The following IFT74 variants were observed in gnomAD, a reference collection of about 807,000 sequenced individuals.
The protein encoded by IFT74 is intraflagellar transport 74.
IFT74 carries 92 observed loss-of-function variants against 96.7 expected under a neutral mutation model. The observed-to-expected ratio is 0.95, with a 90% CI of 0.80 to 1.13. The LOEUF (loss-of-function observed/expected upper bound fraction) is 1.13, where lower values mean the gene tolerates loss of function less well. IFT74 is among the 50% of genes most tolerant of loss of function. IFT74 has a pLI of 0.00. For missense variants in IFT74, 811 were observed against 698.2 expected, an observed-to-expected ratio of 1.16 and a Z score of -1.82; for synonymous variants, 223 against 213.2, an observed-to-expected ratio of 1.05 and a Z score of -0.40.
chr9:26,964,401 G>GCCTC lies in IFT74; in HGVS notation c.120+2316_120+2319dup, dbSNP rs1366292375. Among the ~76,000 whole-genome samples the GCCTC allele has an allele frequency of 4.0e-4, 60 of 150,974 alleles. 2 individuals are homozygous for GCCTC. Among genetic ancestry groups the GCCTC allele is most frequent in the African/African-American group, 1.5e-3 (60 of 41,030 alleles). On this transcript the variant is annotated intron_variant, in intron 2 of 19. Coordinates refer to ENST00000380062, the MANE Select transcript of IFT74 (RefSeq NM_025103.4). ...ATAGTTTGAAGTCAGGTAGTGTGAT[G>GCCTC]CCTCCAGCTTTGTTCTTTTGGCTTA...
intron 14 of IFT74, 149 bp downstream of exon 14, chr9:27,044,944 T>C (rs1461942834): frequency 1.5e-5 from 8 of 542,058 alleles, no homozygotes; most frequent in Non-Finnish European, 2.6e-5. Context: ...AAGAATAGTT[T>C]CTAGCATAAT....
At chr9:26,984,638 G>A (rs1827555980) in intron 6 of IFT74, 79 bp downstream of exon 6, 1 of 1,101,900 alleles carries the variant, frequency 9.1e-7, no homozygotes. Flanking sequence ...ACATTAGTAG[G>A]CAAAGGACAT....
intron 2 of IFT74, chr9:26,976,749 C>A (rs866220827): frequency 2.2e-6 from 1 of 455,522 alleles, no homozygotes; most frequent in Non-Finnish European, 4.4e-6. Flanking sequence ...AGAAACCTTG[C>A]CATATCTCAC....
In IFT74 at chr9:27,062,938, C is replaced by CTTCTT. The variant is rs1820492553; in HGVS notation, c.*210_*214dup. 2 of 477,686 alleles carry CTTCTT rather than the reference C, an allele frequency of 4.2e-6. No homozygotes were observed. Among genetic ancestry groups the CTTCTT allele is most frequent in the African/African-American group, 4.1e-5 (2 of 48,686 alleles). The allele number at this position is 477,686 out of a possible 1,614,324, so 29.6% of individuals were successfully genotyped here. A position where few individuals can be genotyped will look rare whatever the true frequency, so the allele number is the denominator to read the frequency against. ...TGGTTTGCATATTAAAAAGTACCAT[C>CTTCTT]TTCTTTTCTTTTTATGCTACTTGTA... On this transcript the variant is annotated 3_prime_UTR_variant, in exon 20 of 20. Transcript: ENST00000380062.
intron 12 of IFT74, among the ~76,000 whole-genome samples, chr9:27,026,532 A>G (rs1322766812): frequency 6.6e-6 from 1 of 152,224 alleles, no homozygotes; most frequent in African/African-American, 2.4e-5. Context: ...CATTCTGTTC[A>G]TCAGCACATG....
Position 26,960,320 on chromosome 9 carries a change from T to C in IFT74, c.-19-1629T>C, listed in dbSNP as rs116721158. 2.9e-3 allele frequency among the ~76,000 whole-genome samples: 448 copies of C among 152,316 alleles called. 1 individual carries two copies. The highest frequency in any genetic ancestry group is 0.01 in the African/African-American group (424 of 41,574). On this transcript the variant is annotated intron_variant, in intron 1 of 19. Transcript: ENST00000380062. ...TTGGGCACTATTCTCTTTTTCTCCATATTCTTTGTCTAGATAAGTATCTTC... is the reference window on the plus strand; with the variant it reads ...TTGGGCACTATTCTCTTTTTCTCCACATTCTTTGTCTAGATAAGTATCTTC...
chr9:26,966,016 A>G (rs1826593149), intron 2 of IFT74, among the ~76,000 whole-genome samples: 1 of 151,894 alleles, frequency 6.6e-6, no homozygotes, highest in Non-Finnish European at 1.5e-5. Flanking sequence ...ATATATGTGT[A>G]TATGTGTGTG....
intron 6 of IFT74, among the ~76,000 whole-genome samples, chr9:26,987,658 G>A (rs1827695294): frequency 6.6e-6 from 1 of 152,096 alleles, no homozygotes; most frequent in Non-Finnish European, 1.5e-5. Context: ...TTTGCTTTTA[G>A]TAGACCTTCT....
chr9:26,962,060 A>G lies in IFT74; in HGVS notation c.93A>G (p.Leu31=), dbSNP rs1389373835. The G allele has an allele frequency of 6.2e-7, 1 of 1,614,184 alleles. No homozygotes were observed. Among genetic ancestry groups the G allele is most frequent in the Non-Finnish European group, 8.5e-7 (1 of 1,180,012 alleles). The change falls in exon 2 of 20, where the codon CTA becomes CTG. Residue 31 remains leucine, a synonymous_variant. Transcript: ENST00000380062. The part of the protein sequence containing the change: ...TGRPPSGIRP[L]SGNIRVATAM... ...GGCCTCCTTCTGGGATACGACCCCT[A>G]TCAGGAAATATTCGAGTGGCAACTG... is the stretch of plus-strand genomic sequence containing the variant.
At chr9:26,970,886 G>T (rs954556456) in intron 2 of IFT74, among the ~76,000 whole-genome samples, 5 of 152,168 alleles carry the variant, frequency 3.3e-5, no homozygotes, top group African/African-American at 9.7e-5. Flanking sequence ...GGGTAACCGG[G>T]TTTCTAGGAC....
chr9:26,976,045 C>A (rs559144833), intron 2 of IFT74, among the ~76,000 whole-genome samples: 1 of 152,144 alleles, frequency 6.6e-6, no homozygotes, highest in Non-Finnish European at 1.5e-5. Flanking sequence ...TGTTCTTGTA[C>A]CGTTTTTCAC....
chr9:26,957,894 C>T (rs1293809934), intron 1 of IFT74, among the ~76,000 whole-genome samples: 1 of 151,604 alleles, frequency 6.6e-6, no homozygotes, highest in Non-Finnish European at 1.5e-5. Flanking sequence ...CCTGGGACTA[C>T]GCCCGCCACC....
chr9:27,035,340 A>G (rs1160406268), intron 13 of IFT74, among the ~76,000 whole-genome samples: 1 of 152,248 alleles, frequency 6.6e-6, no homozygotes, highest in Non-Finnish European at 1.5e-5. Flanking sequence ...TCTATCCATT[A>G]CTATTCTGTG....
At chr9:26,980,335 T>C (rs939458559) in intron 3 of IFT74, among the ~76,000 whole-genome samples, 1 of 152,188 alleles carries the variant, frequency 6.6e-6, no homozygotes, top group African/African-American at 2.4e-5. Context: ...TAGAGTCTAC[T>C]GTCTTTTAAC....
intron 12 of IFT74, among the ~76,000 whole-genome samples, chr9:27,019,255 C>A (rs916300768): frequency 2.0e-5 from 3 of 152,064 alleles, no homozygotes. Flanking sequence ...GTATGCCATG[C>A]CCCCAGTCAA....
At chr9:26,976,722 G>C (rs1043721772) in intron 2 of IFT74, 66 of 455,138 alleles carry the variant, frequency 1.5e-4, no homozygotes, top group African/African-American at 1.2e-3. Flanking sequence ...ATAAGTAGCT[G>C]AGCAGGCTAT....
chr9:27,051,918 C>T (rs1308889025), intron 16 of IFT74, among the ~76,000 whole-genome samples: 1 of 152,094 alleles, frequency 6.6e-6, no homozygotes, highest in Admixed American at 6.5e-5. Flanking sequence ...TTCTTTTGGA[C>T]ATATATGAAT....
intron 13 of IFT74, among the ~76,000 whole-genome samples, chr9:27,037,901 C>T (rs1423264696): frequency 6.6e-6 from 1 of 152,228 alleles, no homozygotes; most frequent in Non-Finnish European, 1.5e-5. Context: ...ACATTACTCA[C>T]AGCCATCCCT....
At chr9:26,963,529 G>T (rs930000199) in intron 2 of IFT74, among the ~76,000 whole-genome samples, 5 of 150,516 alleles carry the variant, frequency 3.3e-5, no homozygotes, top group African/African-American at 9.8e-5. Context: ...CTGAGGAATC[G>T]CCACACTGAC....
Sources: gnomAD v4.1 joint callset for allele counts (sites outside exome capture counted in the v4.1 genomes callset) on GRCh38, gnomAD v4.1.1 for gene constraint, MANE v1.5 for transcripts, NCBI Gene and HGNC (gene_info 2026-07-23, HGNC 2026-07-21) for gene names.